The following CACNA1B variants were observed in gnomAD, a reference collection of about 807,000 sequenced individuals.
CACNA1B encodes voltage-dependent N-type calcium channel subunit alpha-1B.
CACNA1B carries 70 observed loss-of-function variants against 247.2 expected under a neutral mutation model. That is an observed-to-expected ratio of 0.28 (90% CI 0.23 to 0.35). The LOEUF (loss-of-function observed/expected upper bound fraction) is 0.35. Ranked by LOEUF, CACNA1B falls within the 10% of genes least tolerant of loss-of-function variation. The probability of loss-of-function intolerance (pLI) is 1.00; values close to 1 mark genes in which losing one functional copy is unlikely to be tolerated. For synonymous variants in CACNA1B, 1,231 were observed against 1,294.4 expected, an observed-to-expected ratio of 0.95 and a Z score of 1.05; for missense variants, 2,367 against 3,197.4, an observed-to-expected ratio of 0.74 and a Z score of 6.26.
rs200122209 is a variant in CACNA1B at position 138,112,424 on chromosome 9, G to A, written c.5455G>A (p.Ala1819Thr). 1.8e-4 allele frequency: 283 copies of A among 1,613,564 alleles called. 5 individuals are homozygous for A. The Middle Eastern group carries it at 2.3e-3, about 13-fold the overall frequency. The change falls in exon 40 of 47, where the codon GCG (alanine) becomes ACG (threonine). Residue 1819 changes from alanine (A) to threonine (T), a missense_variant. Coordinates refer to ENST00000371372, the MANE Select transcript of CACNA1B (RefSeq NM_000718.4). ...TGGGACAAAGCAGCATCAGTGTGAC[G>A]CGGAGTTGAGGAAGGAGATTTCCGT... is the stretch of plus-strand genomic sequence containing the variant. ...PAGTKQHQCD[A>T]ELRKEISVVW...
rs1357442402 is a variant in CACNA1B at position 137,990,308 on chromosome 9, C to T, written c.1974+3454C>T. On this transcript the variant is annotated intron_variant, in intron 15 of 46. Coordinates refer to ENST00000371372, the MANE Select transcript of CACNA1B (RefSeq NM_000718.4). The surrounding 1 kb of genome is among the most constrained non-coding windows in gnomAD (Gnocchi z 4.5). Reference sequence around the variant, plus strand: ...CACAGCAGCCACAGCAAGCCCCGCCCAAGCAGAGTCTGAGCTCAGACACCC... The same window carrying T: ...CACAGCAGCCACAGCAAGCCCCGCCTAAGCAGAGTCTGAGCTCAGACACCC... 3.9e-5 allele frequency among the ~76,000 whole-genome samples: 6 copies of T among 152,078 alleles called. No individual in the cohort carries two copies. The highest frequency in any genetic ancestry group is 2.0e-4 in the Admixed American group (3 of 15,276).
chr9:138,063,358 G>A (rs1249145238), intron 31 of CACNA1B, among the ~76,000 whole-genome samples: 2 of 152,214 alleles, frequency 1.3e-5, no homozygotes, highest in Non-Finnish European at 2.9e-5. Flanking sequence ...GCCAGGCATA[G>A]TGGCACACGC....
rs188490034 is a variant in CACNA1B at position 138,054,892 on chromosome 9, G to A, written c.3968+886G>A. Among the ~76,000 whole-genome samples the A allele has an allele frequency of 3.3e-5, 5 of 152,270 alleles. No individual in the cohort carries two copies. The East Asian group carries it at 9.7e-4, about 29-fold the overall frequency. On this transcript the variant is annotated intron_variant, in intron 26 of 46. Transcript: ENST00000371372. The surrounding 1 kb of genome is among the most constrained non-coding windows in gnomAD (Gnocchi z 4.6). Reference sequence around the variant, plus strand: ...TTTGCACTTGTGTGATGACCAATGAGATTGAGCCCCCTTTGCTAGGGGGAT... The same window carrying A: ...TTTGCACTTGTGTGATGACCAATGAAATTGAGCCCCCTTTGCTAGGGGGAT...
intron 20 of CACNA1B, among the ~76,000 whole-genome samples, chr9:138,039,717 T>G (rs1959093199): frequency 6.6e-6 from 1 of 152,188 alleles, no homozygotes; most frequent in African/African-American, 2.4e-5. Flanking sequence ...TCTTTGAAAT[T>G]CATTTGCATT....
intron 6 of CACNA1B, among the ~76,000 whole-genome samples, chr9:137,938,620 A>G (rs1206220905): frequency 6.6e-6 from 1 of 152,228 alleles, no homozygotes; most frequent in Admixed American, 6.5e-5. Flanking sequence ...TATATCAGAC[A>G]AAACAAACTT....
chr9:138,013,955 C>G (rs755394327), intron 18 of CACNA1B, among the ~76,000 whole-genome samples: 3 of 152,240 alleles, frequency 2.0e-5, no homozygotes, highest in Admixed American at 1.3e-4. Flanking sequence ...AGCTCTGGAG[C>G]CACTAGCTCC....
chr9:138,029,844 A>G lies in CACNA1B; in HGVS notation c.3286+4672A>G, dbSNP rs1193775873. ...TGGCCAGGCTGGTTTCGAACTCCTG[A>G]CCTCAAGTGATCTGCCTTTCTCAGC... On this transcript the variant is annotated intron_variant, in intron 20 of 46. Coordinates refer to ENST00000371372, the MANE Select transcript of CACNA1B (RefSeq NM_000718.4). Among the ~76,000 whole-genome samples the G allele has an allele frequency of 2.0e-5, 3 of 151,844 alleles. No homozygotes were observed. The East Asian group carries it at 5.8e-4, about 29-fold the overall frequency.
At chr9:137,982,491 C>T (rs1267330528) in intron 12 of CACNA1B, among the ~76,000 whole-genome samples, 2 of 152,186 alleles carry the variant, frequency 1.3e-5, no homozygotes, top group African/African-American at 4.8e-5. Flanking sequence ...AAGAGTGAGT[C>T]ACTAGGTCCA....
chr9:138,057,732 G>C lies in CACNA1B; in HGVS notation c.3969G>C (p.Arg1323Ser), dbSNP rs1959565561. 6.2e-7 allele frequency: 1 copy of C among 1,608,228 alleles called. No individual in the cohort carries two copies. The highest frequency in any genetic ancestry group is 8.5e-7 in the Non-Finnish European group (1 of 1,175,516). ...DESKELERDCRGQYLDYEKEE... is the reference protein window; with the variant it reads ...DESKELERDCSGQYLDYEKEE... ...TAACCTCCCATGTTCTCATTCCTAG[G>C]GGTCAGTATTTGGATTATGAGAAGG... Residue 1323 changes from arginine to serine, a missense_variant and splice_region_variant, in exon 27 of 47, where the codon AGG becomes AGC. This residue lies in a region of CACNA1B where 436 missense variants were observed against 679.5 expected (regional missense o/e 0.64). Transcript: ENST00000371372. This position sits in a 1 kb window ranked among gnomAD's most constrained non-coding sequence, Gnocchi z 4.0.
At chr9:137,885,481 T>C (rs1303856873) in intron 3 of CACNA1B, among the ~76,000 whole-genome samples, 1 of 149,034 alleles carries the variant, frequency 6.7e-6, no homozygotes, top group Non-Finnish European at 1.5e-5. Context: ...GTTGATTTAA[T>C]TGGTGCTCAG....
chr9:137,954,651 A>T lies in CACNA1B; in HGVS notation c.1071-1047A>T, dbSNP rs1957922806. ...GCCACAGTGGACCCTGCCTTCCTGT[A>T]GATTTGGGACTTGGGATGCCCAGAT... On this transcript the variant is annotated intron_variant, in intron 7 of 46. Transcript: ENST00000371372. This position sits in a 1 kb window ranked among gnomAD's most constrained non-coding sequence, Gnocchi z 4.1. Among the ~76,000 whole-genome samples the T allele has an allele frequency of 6.6e-6, 1 of 152,054 alleles. No homozygotes were observed. Among genetic ancestry groups the T allele is most frequent in the South Asian group, 2.1e-4 (1 of 4,816 alleles).
At chr9:137,912,911 G>A (rs986813455) in intron 3 of CACNA1B, among the ~76,000 whole-genome samples, 2 of 152,168 alleles carry the variant, frequency 1.3e-5, no homozygotes, top group African/African-American at 4.8e-5. Flanking sequence ...TTGAACTGGA[G>A]GTTTGGTCAT....
At chr9:137,879,911 G>C (rs1164324466) in intron 2 of CACNA1B, among the ~76,000 whole-genome samples, 2 of 152,130 alleles carry the variant, frequency 1.3e-5, no homozygotes, top group African/African-American at 4.8e-5. Context: ...ACTCTTCCCT[G>C]ATGCCTGGCC....
At chr9:137,993,354 G>GTCTAGATAGATTAAATTCTTGTCTA (rs1958456687) in intron 15 of CACNA1B, among the ~76,000 whole-genome samples, 1 of 150,990 alleles carries the variant, frequency 6.6e-6, no homozygotes, top group Admixed American at 6.6e-5. Context: ...TTAAATTTTT[G>GTCTAGATAGATTAAATTCTTGTCTA]TCTAGATAGA....
intron 36 of CACNA1B, among the ~76,000 whole-genome samples, chr9:138,088,233 T>C (rs1390883825): frequency 6.6e-6 from 1 of 151,736 alleles, no homozygotes; most frequent in African/African-American, 2.4e-5. Flanking sequence ...GCCAGTTATG[T>C]TGGCGGGCAC....
In CACNA1B at chr9:138,050,094, C is replaced by T; in HGVS notation, c.3710+779C>T. 1 of 1,289,040 alleles carries T rather than the reference C, an allele frequency of 7.8e-7. No individual in the cohort carries two copies. Among genetic ancestry groups the T allele is most frequent in the Non-Finnish European group, 1.0e-6 (1 of 988,148 alleles). The allele number at this position is 1,289,040 out of a possible 1,614,324, so 79.9% of individuals were successfully genotyped here. On this transcript the variant is annotated intron_variant, in intron 24 of 46. Coordinates refer to ENST00000371372, the MANE Select transcript of CACNA1B (RefSeq NM_000718.4). This position sits in a 1 kb window ranked among gnomAD's most constrained non-coding sequence, Gnocchi z 5.2. ...CGGCAGGAGCTTCGTGGGGTAATGCCTTCTCTCCCCCACACGCTGCCCCTG... is the reference window on the plus strand; with the variant it reads ...CGGCAGGAGCTTCGTGGGGTAATGCTTTCTCTCCCCCACACGCTGCCCCTG...
In CACNA1B at chr9:137,991,541, C is replaced by G. The variant is rs143157907; in HGVS notation, c.1974+4687C>G. 1.9e-3 allele frequency among the ~76,000 whole-genome samples: 286 copies of G among 152,274 alleles called. 6 individuals are homozygous for G. The East Asian group carries it at 0.045, about 24-fold the overall frequency. ...AAACTTACCTAGCCTTGCTAGAGAT[C>G]TAGACATCCAAATACAAGAACTCAA... On this transcript the variant is annotated intron_variant, in intron 15 of 46. Transcript: ENST00000371372.
chr9:137,883,201 G>A (rs1327287671), intron 3 of CACNA1B, among the ~76,000 whole-genome samples: 4 of 151,890 alleles, frequency 2.6e-5, no homozygotes, highest in African/African-American at 4.8e-5. Context: ...GTGCCTGTTG[G>A]AGGTGGCTTT....
intron 26 of CACNA1B, among the ~76,000 whole-genome samples, chr9:138,055,053 G>A (rs1301534505): frequency 6.6e-6 from 1 of 152,006 alleles, no homozygotes; most frequent in Non-Finnish European, 1.5e-5. Context: ...GATCGCAGAC[G>A]TCTTCTCCTC....
Sources: gnomAD v4.1 joint callset for allele counts (sites outside exome capture counted in the v4.1 genomes callset) on GRCh38, gnomAD v4.1.1 for gene constraint, gnomAD v4.1.1 regional missense constraint, Gnocchi (gnomAD v3.1) non-coding constraint, MANE v1.5 for transcripts, NCBI Gene and HGNC (gene_info 2026-07-23, HGNC 2026-07-21) for gene names.